NAALADL2: variants seen among roughly 807,000 people sequenced by gnomAD.
NAALADL2 encodes the protein inactive N-acetylated-alpha-linked acidic dipeptidase-like protein 2.
A neutral mutation model predicts 87.2 loss-of-function variants in NAALADL2; 76 were observed. The ratio of observed to expected loss-of-function variants is 0.87; its 90% CI spans 0.72 to 1.05. NAALADL2 has a LOEUF of 1.05. NAALADL2 is among the 50% of genes least tolerant of loss of function. The pLI is 0.00. For synonymous variants in NAALADL2, 354 were observed against 331.0 expected, an observed-to-expected ratio of 1.07 and a Z score of -0.75; for missense variants, 1,089 against 945.8, an observed-to-expected ratio of 1.15 and a Z score of -1.99.
chr3:175,132,079 G>T (rs1447474048), intron 2 of NAALADL2, among the ~76,000 whole-genome samples: 2 of 137,876 alleles, frequency 1.5e-5, no homozygotes, highest in Non-Finnish European at 3.1e-5. Context: ...GGCTGGCCAG[G>T]CGGGGGGCTG....
At chr3:174,706,882 GTTAAATAGGGAATCCTTTCCCCA>G (rs1221523093) in intron 2 of NAALADL2, among the ~76,000 whole-genome samples, 1 of 152,090 alleles carries the variant, frequency 6.6e-6, no homozygotes, top group Non-Finnish European at 1.5e-5. Context: ...AGCACCATTT[GTTAAATAGGGAATCCTTTCCCCA>G]TTTCTCATTT....
intron 2 of NAALADL2, among the ~76,000 whole-genome samples, chr3:174,699,208 A>C (rs1729322914): frequency 6.6e-6 from 1 of 152,076 alleles, no homozygotes; most frequent in South Asian, 2.1e-4. Flanking sequence ...GTTAAATCTA[A>C]GGTGGTGGGC....
intron 13 of NAALADL2, among the ~76,000 whole-genome samples, chr3:175,795,142 G>T (rs1753304168): frequency 6.6e-6 from 1 of 152,148 alleles, no homozygotes; most frequent in Admixed American, 6.5e-5. Context: ...AGGGCCTAAG[G>T]CTTCAGTGTG....
At chr3:175,179,898 G>A (rs1467429588) in intron 2 of NAALADL2, among the ~76,000 whole-genome samples, 3 of 152,026 alleles carry the variant, frequency 2.0e-5, no homozygotes, top group African/African-American at 7.2e-5. Flanking sequence ...CAATCATTGT[G>A]TCACATAGTA....
intron 11 of NAALADL2, among the ~76,000 whole-genome samples, chr3:175,630,125 T>C (rs1253484948): frequency 6.6e-6 from 1 of 151,760 alleles, no homozygotes; most frequent in Non-Finnish European, 1.5e-5. Flanking sequence ...GATCAAGGAA[T>C]GAAATTGTGC....
intron 5 of NAALADL2, among the ~76,000 whole-genome samples, chr3:175,324,716 C>T (rs901940853): frequency 6.6e-6 from 1 of 152,036 alleles, no homozygotes; most frequent in Admixed American, 6.6e-5. Context: ...AACTTTAAGT[C>T]CAGGGTTTAG....
chr3:175,069,482 G>A (rs1264541895), intron 1 of NAALADL2, among the ~76,000 whole-genome samples: 1 of 149,742 alleles, frequency 6.7e-6, no homozygotes, highest in Admixed American at 6.6e-5. Context: ...ACACCAGTTA[G>A]AATGGCAATC....
At chr3:175,358,440 A>G (rs1393602775) in intron 5 of NAALADL2, among the ~76,000 whole-genome samples, 1 of 152,112 alleles carries the variant, frequency 6.6e-6, no homozygotes, top group Non-Finnish European at 1.5e-5. Context: ...TGTGAAATCA[A>G]CAAGCTAAAA....
Position 175,148,123 on chromosome 3 carries a change from T to TAAA in NAALADL2, c.545+50834_545+50836dup, listed in dbSNP as rs1553790307. Among the ~76,000 whole-genome samples the TAAA allele has an allele frequency of 3.8e-4, 56 of 146,110 alleles. No individual in the cohort carries two copies. In the South Asian group the frequency reaches 4.3e-3, roughly 11 times the overall value. On this transcript the variant is annotated intron_variant, in intron 2 of 13. Transcript: ENST00000454872. ...ATAATAATAATAATAATAATAATAA[T>TAAA]AAAATAATAATAATAGCCATTCTGA...
chr3:175,432,321 C>T (rs967621876), intron 5 of NAALADL2, among the ~76,000 whole-genome samples: 1 of 151,938 alleles, frequency 6.6e-6, no homozygotes, highest in Non-Finnish European at 1.5e-5. Context: ...GAATACAATA[C>T]ATTGTGAAAC....
chr3:174,567,669 A>G (rs2108526254), intron 2 of NAALADL2, among the ~76,000 whole-genome samples: 1 of 151,784 alleles, frequency 6.6e-6, no homozygotes, highest in South Asian at 2.1e-4. Flanking sequence ...TTAAAAATAG[A>G]TAAGTCGATA....
intron 4 of NAALADL2, among the ~76,000 whole-genome samples, chr3:175,282,172 AAC>A (rs1363505358): frequency 1.3e-5 from 2 of 152,076 alleles, no homozygotes; most frequent in Non-Finnish European, 2.9e-5. Context: ...AAAAGACTGA[AAC>A]AGTTTTTTCT....
intron 9 of NAALADL2, among the ~76,000 whole-genome samples, chr3:175,514,897 G>A (rs949809980): frequency 7.9e-5 from 12 of 152,214 alleles, no homozygotes; most frequent in Non-Finnish European, 1.5e-4. Context: ...TTCTGCCTGA[G>A]TGTCTAGTCT....
intron 1 of NAALADL2, among the ~76,000 whole-genome samples, chr3:174,533,862 T>A (rs1000784853): frequency 3.1e-4 from 47 of 152,142 alleles, no homozygotes; most frequent in Non-Finnish European, 5.3e-4. Flanking sequence ...AGTCTTGACA[T>A]TTGAGAATAA....
At chr3:175,647,388 T>C (rs1217577409) in intron 11 of NAALADL2, among the ~76,000 whole-genome samples, 5 of 152,150 alleles carry the variant, frequency 3.3e-5, no homozygotes, top group Non-Finnish European at 5.9e-5. Context: ...GAAATGTATA[T>C]TGATTTAAGT....
chr3:174,622,909 G>A (rs1454541755), intron 2 of NAALADL2, among the ~76,000 whole-genome samples: 1 of 152,164 alleles, frequency 6.6e-6, no homozygotes, highest in Admixed American at 6.5e-5. Context: ...CAGGCGTGGT[G>A]GCAGGCACCT....
chr3:175,345,964 A>G (rs1006872844), intron 5 of NAALADL2, among the ~76,000 whole-genome samples: 1 of 152,180 alleles, frequency 6.6e-6, no homozygotes, highest in African/African-American at 2.4e-5. Context: ...TACAAGAAAC[A>G]GACTGTGATT....
chr3:175,081,799 T>C (rs73037224), intron 1 of NAALADL2, among the ~76,000 whole-genome samples: 1,570 of 152,332 alleles, frequency 0.01, 18 homozygotes, highest in African/African-American at 0.036. Context: ...TTTTCTTAAC[T>C]GATAGATTGT....
chr3:174,774,513 A>AG (rs1243796272), intron 3 of NAALADL2, among the ~76,000 whole-genome samples: 1 of 152,190 alleles, frequency 6.6e-6, no homozygotes, highest in Non-Finnish European at 1.5e-5. Flanking sequence ...AGAGGACTTG[A>AG]GGACAACCCT....
Sources: allele counts gnomAD v4.1 joint callset (sites outside exome capture counted in the v4.1 genomes callset), GRCh38; gene constraint gnomAD v4.1.1; transcripts MANE v1.5; gene names NCBI Gene and HGNC (gene_info 2026-07-23, HGNC 2026-07-21).